CIZ1: variants seen among roughly 807,000 people sequenced by gnomAD.
The protein encoded by CIZ1 is CDKN1A interacting zinc finger protein 1.
Under a neutral mutation model 118.6 loss-of-function variants are expected in CIZ1, and 58 were observed. The observed-to-expected ratio is 0.49, with a 90% CI of 0.40 to 0.61. CIZ1 has a LOEUF of 0.61. Ranked by LOEUF, CIZ1 falls within the 20% of genes least tolerant of loss-of-function variation. The pLI is 0.00. For missense variants in CIZ1, 921 were observed against 1,115.9 expected, an observed-to-expected ratio of 0.83 and a Z score of 2.49; for synonymous variants, 448 against 443.4, an observed-to-expected ratio of 1.01 and a Z score of -0.13.
rs1034869470 is a variant in CIZ1 at position 128,203,856 on chromosome 9, A to G, written c.-6+330T>C. Among the ~76,000 whole-genome samples, 1 of 147,708 alleles carries G rather than the reference A, an allele frequency of 6.8e-6. No homozygotes were observed. The highest frequency in any genetic ancestry group is 2.5e-5 in the African/African-American group (1 of 39,968). On this transcript the variant is annotated intron_variant, in intron 1 of 17. Transcript: ENST00000372948. This position sits in a 1 kb window ranked among gnomAD's most constrained non-coding sequence, Gnocchi z 5.3. Reference sequence around the variant, plus strand: ...TGCAAACGTCGTCAAGCCTCCGGCTACCGAATCACGCCCCCTCCTCCGTCC... The same window carrying G: ...TGCAAACGTCGTCAAGCCTCCGGCTGCCGAATCACGCCCCCTCCTCCGTCC...
chr9:128,200,416 T>A (rs1833483597), intron 1 of CIZ1, among the ~76,000 whole-genome samples: 1 of 151,858 alleles, frequency 6.6e-6, no homozygotes, highest in Non-Finnish European at 1.5e-5. Flanking sequence ...TCCCAGCATT[T>A]TGGGAGGCTG....
At chr9:128,194,646 G>A (rs545566235), upstream of CIZ1, among the ~76,000 whole-genome samples, 10 of 151,876 alleles carry the variant, frequency 6.6e-5, no homozygotes, top group South Asian at 1.2e-3. Context: ...GTGAAACCCC[G>A]TCTCTACTAA....
chr9:128,177,870 G>T, intron 9 of CIZ1, 107 bp from the exon 10 acceptor site: 1 of 770,426 alleles, frequency 1.3e-6, no homozygotes, highest in South Asian at 2.1e-5. Flanking sequence ...CCTGATGATA[G>T]GGAAACTGAG....
In CIZ1 at chr9:128,177,662, G is replaced by A. The variant is rs1831037460; in HGVS notation, c.1722C>T (p.Asp574=). ...VPLTPVPRPS[D]SVSSTPAATS... ...TAGCCGCAGGGGTGGAGGAGACGGAGTCACTGGGGCGGGGGACAGGTGTCA... is the reference window on the plus strand; with the variant it reads ...TAGCCGCAGGGGTGGAGGAGACGGAATCACTGGGGCGGGGGACAGGTGTCA... The change falls in exon 10 of 17, where the codon GAC becomes GAT. Residue 574 remains aspartate, a synonymous_variant. Coordinates refer to ENST00000372938, the MANE Select transcript of CIZ1 (RefSeq NM_001131016.2). 3 of 1,597,618 alleles carry A rather than the reference G, an allele frequency of 1.9e-6. No homozygotes were observed. The highest frequency in any genetic ancestry group is 2.6e-6 in the Non-Finnish European group (3 of 1,172,436).
chr9:128,170,060 A>G lies in CIZ1; in HGVS notation c.1991T>C (p.Met664Thr). Residue 664 changes from methionine (M) to threonine (T), a missense_variant, in exon 12 of 17, where the codon ATG becomes ACG. By Grantham distance (81) the Met-to-Thr change is moderately conservative. Transcript: ENST00000372938. ...CCTGCGGTGTTGGATCAGGTCCCCC[A>G]TGTAGTAGAGCTGGCAGGTGTTGCA... ...RWCNTCQLYY[M>T]GDLIQHRRTQ... 1 of 1,614,072 alleles carries G rather than the reference A, an allele frequency of 6.2e-7. No homozygotes were observed. The highest frequency in any genetic ancestry group is 8.5e-7 in the Non-Finnish European group (1 of 1,180,012).
chr9:128,188,482 C>A (rs1177401753), intron 3 of CIZ1, among the ~76,000 whole-genome samples: 1 of 151,934 alleles, frequency 6.6e-6, no homozygotes, highest in East Asian at 1.9e-4. Flanking sequence ...GACTTTTATT[C>A]TTTTGTTTGT....
chr9:128,189,625 G>C (rs772314113), intron 3 of CIZ1, among the ~76,000 whole-genome samples: 3 of 151,976 alleles, frequency 2.0e-5, no homozygotes, highest in African/African-American at 7.2e-5. Flanking sequence ...TTCAAGACCA[G>C]CCTGGCCAAC....
At position 128,203,784 on chromosome 9, in the gene CIZ1, C is replaced by A. The variant is rs561719219; in HGVS notation, c.-6+402G>T. 7.0e-6 allele frequency among the ~76,000 whole-genome samples: 1 copy of A among 142,024 alleles called. No individual in the cohort carries two copies. Among genetic ancestry groups the A allele is most frequent in the Non-Finnish European group, 1.6e-5 (1 of 64,370 alleles). 93.2% of individuals were successfully genotyped at this position (142,024 alleles called of 152,430 possible). On this transcript the variant is annotated intron_variant, in intron 1 of 17. Coordinates refer to the CIZ1 transcript ENST00000372948. The surrounding 1 kb of genome is among the most constrained non-coding windows in gnomAD (Gnocchi z 5.3). ...CCCCCAGCCGGAGCGAGGAGGCCCTCCCCCCACCACGAGAGCCCCTCGGGG... is the reference window on the plus strand; with the variant it reads ...CCCCCAGCCGGAGCGAGGAGGCCCTACCCCCACCACGAGAGCCCCTCGGGG...
At chr9:128,173,886 G>T (rs574091676) in intron 11 of CIZ1, among the ~76,000 whole-genome samples, 1 of 152,084 alleles carries the variant, frequency 6.6e-6, no homozygotes, top group Non-Finnish European at 1.5e-5. Flanking sequence ...GGCGCCTGTA[G>T]TCCCAGCTAC....
chr9:128,170,719 G>A (rs1408055117), intron 11 of CIZ1, among the ~76,000 whole-genome samples: 1 of 152,232 alleles, frequency 6.6e-6, no homozygotes, highest in African/African-American at 2.4e-5. Flanking sequence ...AACAAATTAT[G>A]TCAGAACAAT....
Position 128,177,649 on chromosome 9 carries a change from TGGA to T in CIZ1, c.1732_1734del (p.Ser578del), listed in dbSNP as rs1431870559. ...GAGGGAGTGCTGGTAGCCGCAGGGGTGGAGGAGACGGAGTCACTGGGGCGGGGG... is the reference window on the plus strand; with the variant it reads ...GAGGGAGTGCTGGTAGCCGCAGGGGTGGAGACGGAGTCACTGGGGCGGGGG... On this transcript the variant is annotated inframe_deletion, in exon 10 of 17. Coordinates refer to ENST00000372938, the MANE Select transcript of CIZ1 (RefSeq NM_001131016.2). The T allele has an allele frequency of 1.2e-5, 19 of 1,577,300 alleles. No individual in the cohort carries two copies. The highest frequency in any genetic ancestry group is 1.5e-5 in the Non-Finnish European group (18 of 1,161,762).
chr9:128,178,916 T>C lies in CIZ1; in HGVS notation c.1291A>G (p.Thr431Ala), dbSNP rs1831207225. Residue 431 changes from threonine to alanine, a missense_variant, in exon 8 of 17, where the codon ACA becomes GCA. Transcript: ENST00000372938. ...LQLQKQVQTQTYPQVHTQAQP... is the reference protein window; with the variant it reads ...LQLQKQVQTQAYPQVHTQAQP... ...GCCTGTGTGTGGACCTGTGGATATGTCTGTGTCTGGACCTGCTTCTGCAGC... is the reference window on the plus strand; with the variant it reads ...GCCTGTGTGTGGACCTGTGGATATGCCTGTGTCTGGACCTGCTTCTGCAGC... 2 of 1,614,190 alleles carry C rather than the reference T, an allele frequency of 1.2e-6. No individual in the cohort carries two copies. Among genetic ancestry groups the C allele is most frequent in the East Asian group, 4.5e-5 (2 of 44,884 alleles).
Position 128,179,046 on chromosome 9 carries a change from G to A in CIZ1, c.1161C>T (p.Gly387=). 1 of 1,612,856 alleles carries A rather than the reference G, an allele frequency of 6.2e-7. No homozygotes were observed. Among genetic ancestry groups the A allele is most frequent in the Non-Finnish European group, 8.5e-7 (1 of 1,179,028 alleles). Residue 387 remains glycine (G), a synonymous_variant, in exon 8 of 17, where the codon GGC becomes GGT. Transcript: ENST00000372938. ...PQVQPQAHSQ[G]PRQVQLQQEA... ...CCTGCTGCAGCTGCACCTGCCTTGG[G>A]CCCTGTGAATGTGCCTGTGGCTGTA...
rs377624228 is a variant in CIZ1, at chr9:128,177,713, G to C, written c.1671C>G (p.Asp557Glu). Residue 557 changes from aspartate (D) to glutamate (E), a missense_variant, in exon 10 of 17, where the codon GAC (aspartate) becomes GAG (glutamate). Asp to Glu is a conservative substitution (Grantham distance 45). Coordinates refer to ENST00000372938, the MANE Select transcript of CIZ1 (RefSeq NM_001131016.2). ...GGGGTACAGTGCTAAAGGCCCGGCT[G>C]TCACTGCTCTGCAGAATGGTGACCT... ...SLKVTILQSS[D>E]SRAFSTVPLT... The C allele has an allele frequency of 1.9e-6, 3 of 1,607,664 alleles. No individual in the cohort carries two copies. In the African/African-American group the frequency reaches 4.0e-5, roughly 21 times the overall value.
intron 14 of CIZ1, among the ~76,000 whole-genome samples, chr9:128,168,528 GAAA>G (rs530396817): frequency 3.0e-4 from 36 of 119,350 alleles, no homozygotes; most frequent in Admixed American, 2.2e-3. Context: ...AAAAAAAAAA[GAAA>G]AAAAAAAAAA....
Position 128,190,316 on chromosome 9 carries a change from G to A in CIZ1, c.286+13C>T, listed in dbSNP as rs769249118. 3.1e-6 allele frequency: 5 copies of A among 1,587,492 alleles called. No individual in the cohort carries two copies. The East Asian group carries it at 1.1e-4, about 36-fold the overall frequency. On this transcript the variant is annotated intron_variant, in intron 3 of 16. Coordinates refer to ENST00000372938, the MANE Select transcript of CIZ1 (RefSeq NM_001131016.2). ...CTAAAAGAGACTGAGAAGAGGCCTGGGGCCATCCATACCTTGCAACTGCTG... is the reference window on the plus strand; with the variant it reads ...CTAAAAGAGACTGAGAAGAGGCCTGAGGCCATCCATACCTTGCAACTGCTG...
At chr9:128,177,787 C>G in intron 9 of CIZ1, 24 bp from the exon 10 acceptor site, 1 of 1,512,742 alleles carries the variant, frequency 6.6e-7, no homozygotes, top group Non-Finnish European at 9.0e-7. Flanking sequence ...AGGAACTGAA[C>G]TTCCATCAAC....
Position 128,185,784 on chromosome 9 carries a change from CAAG to C in CIZ1, c.359-11_359-9del, listed in dbSNP as rs1832288596. ...CATAGCCTCGGAGGTTACCTGCAGG[CAAG>C]AAGACAGGAGAAGAGGGGTCACAAT... On this transcript the variant is annotated splice_polypyrimidine_tract_variant and intron_variant, in intron 4 of 16. Coordinates refer to ENST00000372938, the MANE Select transcript of CIZ1 (RefSeq NM_001131016.2). The C allele has an allele frequency of 2.5e-6, 4 of 1,606,518 alleles. No homozygotes were observed. Among genetic ancestry groups the C allele is most frequent in the Non-Finnish European group, 3.4e-6 (4 of 1,174,094 alleles).
chr9:128,170,217 T>G, intron 11 of CIZ1, 110 bp from the exon 12 acceptor site: 4 of 890,354 alleles, frequency 4.5e-6, no homozygotes, highest in Non-Finnish European at 7.1e-6. Flanking sequence ...ACAGGATCTC[T>G]TAGGGAAGCT....
Sources: allele counts gnomAD v4.1 joint callset (sites outside exome capture counted in the v4.1 genomes callset), GRCh38; gene constraint gnomAD v4.1.1; non-coding constraint Gnocchi (gnomAD v3.1); transcripts MANE v1.5; gene names NCBI Gene and HGNC (gene_info 2026-07-23, HGNC 2026-07-21).